PVT1: variants seen among roughly 807,000 people sequenced by gnomAD.
PVT1 encodes CXCR4/PVT1 fusion.
Position 127,921,854 on chromosome 8 carries a change from G to GTTTTTTTTTTTTTTTTTTTTTTT in PVT1, n.782+30858_782+30880dup, listed in dbSNP as rs71300279. 3.5e-4 allele frequency among the ~76,000 whole-genome samples: 25 copies of GTTTTTTTTTTTTTTTTTTTTTTT among 71,924 alleles called. 2 individuals carry two copies. Among genetic ancestry groups the GTTTTTTTTTTTTTTTTTTTTTTT allele is most frequent in the South Asian group, 7.3e-4 (1 of 1,376 alleles). The allele number at this position is 71,924 out of a possible 152,430, so 47.2% of individuals were successfully genotyped here. ...AAAAAAATTATAATTTTTGGTTCATGTTTTTTTTTTTTTTTTTTTTTTTTG... is the reference window on the plus strand; with the variant it reads ...AAAAAAATTATAATTTTTGGTTCATGTTTTTTTTTTTTTTTTTTTTTTTTTTTTTTTTTTTTTTTTTTTTTTTG... On this transcript the variant is annotated intron_variant and non_coding_transcript_variant, in intron 3 of 10. Transcript: ENST00000651587.
At chr8:127,806,331 T>TGG (rs1814526695) in intron 2 of PVT1, among the ~76,000 whole-genome samples, 1 of 152,018 alleles carries the variant, frequency 6.6e-6, no homozygotes, top group African/African-American at 2.4e-5. Context: ...TGTGGTGGCG[T>TGG]GTGCCTGTAG....
chr8:128,068,273 C>T (rs1290505958), intron 4 of PVT1, among the ~76,000 whole-genome samples: 2 of 152,046 alleles, frequency 1.3e-5, no homozygotes, highest in Non-Finnish European at 2.9e-5. Flanking sequence ...TCTGTCCCAT[C>T]CACCGCTCTA....
intron 3 of PVT1, among the ~76,000 whole-genome samples, chr8:127,964,279 A>T (rs1256428906): frequency 6.6e-6 from 1 of 152,240 alleles, no homozygotes; most frequent in African/African-American, 2.4e-5. Context: ...TCAGAGTGGG[A>T]GGCCATTAGC....
intron 2 of PVT1, among the ~76,000 whole-genome samples, chr8:127,838,960 C>A (rs1814941827): frequency 6.6e-6 from 1 of 152,116 alleles, no homozygotes; most frequent in Non-Finnish European, 1.5e-5. Context: ...CACAAATGCT[C>A]ACCATTGTAT....
chr8:128,026,386 C>T (rs545532952), intron 4 of PVT1, among the ~76,000 whole-genome samples: 103 of 152,044 alleles, frequency 6.8e-4, no homozygotes, highest in Admixed American at 1.3e-3. Context: ...TCATGTTTCT[C>T]TGCTCTGTTT....
chr8:128,044,697 G>T (rs559154266), intron 4 of PVT1, among the ~76,000 whole-genome samples: 66 of 152,352 alleles, frequency 4.3e-4, no homozygotes, highest in African/African-American at 1.6e-3. Flanking sequence ...AGATAGCAAG[G>T]ATTTGAGATG....
At chr8:128,100,791 T>C (rs1379379489) in intron 6 of PVT1, among the ~76,000 whole-genome samples, 1 of 152,158 alleles carries the variant, frequency 6.6e-6, no homozygotes, top group African/African-American at 2.4e-5. Context: ...TAAATGATAA[T>C]AGGCCTTGCC....
intron 5 of PVT1, among the ~76,000 whole-genome samples, chr8:128,093,794 C>T (rs893329235): frequency 3.3e-5 from 5 of 151,882 alleles, no homozygotes; most frequent in Admixed American, 1.3e-4. Context: ...CGCGCCACCA[C>T]GCCCAGTTAA....
At chr8:127,913,312 T>TCTTCATATCTGCTCCCTGGCACTTGGC (rs1815933948) in intron 3 of PVT1, among the ~76,000 whole-genome samples, 3 of 152,190 alleles carry the variant, frequency 2.0e-5, no homozygotes, top group Non-Finnish European at 4.4e-5. Flanking sequence ...CGCAACATGC[T>TCTTCATATCTGCTCCCTGGCACTTGGC]CTTCATATCT....
intron 3 of PVT1, among the ~76,000 whole-genome samples, chr8:127,951,793 C>T (rs1204783326): frequency 6.6e-6 from 1 of 151,372 alleles, no homozygotes. Flanking sequence ...CTGCTCTGCT[C>T]CTTACAAAAA....
intron 5 of PVT1, among the ~76,000 whole-genome samples, chr8:128,094,120 A>G (rs946235919): frequency 6.6e-6 from 1 of 152,188 alleles, no homozygotes; most frequent in East Asian, 1.9e-4. Flanking sequence ...TTGCCAGGTC[A>G]CCTAAATGAC....
chr8:128,058,188 C>T (rs1002003904), intron 4 of PVT1, among the ~76,000 whole-genome samples: 5 of 152,182 alleles, frequency 3.3e-5, no homozygotes, highest in Non-Finnish European at 5.9e-5. Context: ...GTGATGGATC[C>T]TTCCTAAGGA....
chr8:127,977,360 G>A (rs984820915), intron 3 of PVT1, among the ~76,000 whole-genome samples: 3 of 152,128 alleles, frequency 2.0e-5, no homozygotes, highest in Non-Finnish European at 2.9e-5. Flanking sequence ...CACAATGGAG[G>A]CTCCAGGTAC....
intron 6 of PVT1, among the ~76,000 whole-genome samples, chr8:128,098,239 C>T (rs906586019): frequency 3.2e-4 from 48 of 152,260 alleles, no homozygotes; most frequent in African/African-American, 1.1e-3. Flanking sequence ...CTCTCATCCC[C>T]AGGAGGAGAA....
chr8:127,951,308 A>G (rs1212595552), intron 3 of PVT1, among the ~76,000 whole-genome samples: 1 of 152,080 alleles, frequency 6.6e-6, no homozygotes, highest in Non-Finnish European at 1.5e-5. Flanking sequence ...GGAGCTCAAT[A>G]TTCCTGAGGC....
At chr8:127,881,048 A>G (rs994382363) in intron 2 of PVT1, among the ~76,000 whole-genome samples, 1 of 152,238 alleles carries the variant, frequency 6.6e-6, no homozygotes, top group African/African-American at 2.4e-5. Context: ...GCTCTGCTGC[A>G]TCATGCCCAT....
intron 3 of PVT1, among the ~76,000 whole-genome samples, chr8:127,958,838 C>T (rs1455812532): frequency 6.6e-6 from 1 of 152,146 alleles, no homozygotes; most frequent in Non-Finnish European, 1.5e-5. Flanking sequence ...CTGACAGCCA[C>T]GGGAGCCATG....
At chr8:128,024,508 C>T (rs1018937219) in intron 4 of PVT1, among the ~76,000 whole-genome samples, 10 of 152,050 alleles carry the variant, frequency 6.6e-5, no homozygotes, top group Non-Finnish European at 8.8e-5. Flanking sequence ...TGCCTGTAGT[C>T]CCAGCTGCTC....
intron 3 of PVT1, among the ~76,000 whole-genome samples, chr8:127,924,075 C>T (rs1816096816): frequency 1.3e-5 from 2 of 152,178 alleles, no homozygotes; most frequent in South Asian, 4.1e-4. Context: ...GAGTGGTGGG[C>T]AGCAGCTATT....
Sources: allele counts gnomAD v4.1 joint callset (sites outside exome capture counted in the v4.1 genomes callset), GRCh38; gene constraint gnomAD v4.1.1; transcripts MANE v1.5; gene names NCBI Gene and HGNC (gene_info 2026-07-23, HGNC 2026-07-21).